The following FGF14 variants were observed in gnomAD, a reference collection of about 807,000 sequenced individuals.
FGF14 encodes fibroblast growth factor homologous factor 4.
FGF14 carries 5 observed loss-of-function variants against 25.5 expected under a neutral mutation model. The ratio of observed to expected loss-of-function variants is 0.20; its 90% CI spans 0.10 to 0.41. The LOEUF (loss-of-function observed/expected upper bound fraction) is 0.41, where lower values mean the gene tolerates loss of function less well. FGF14 is among the 10% of genes least tolerant of loss of function. The probability of loss-of-function intolerance (pLI) is 1.00; values close to 1 mark genes in which losing one functional copy is unlikely to be tolerated. For missense variants in FGF14, 222 were observed against 320.1 expected, an observed-to-expected ratio of 0.69 and a Z score of 2.34; for synonymous variants, 138 against 118.3, an observed-to-expected ratio of 1.17 and a Z score of -1.08.
chr13:101,763,860 C>CA (rs1377948967), intron 3 of FGF14, among the ~76,000 whole-genome samples: 4 of 151,616 alleles, frequency 2.6e-5, no homozygotes, highest in African/African-American at 9.7e-5. Flanking sequence ...AACTCTGTCT[C>CA]AAAAAACAAA....
intron 1 of FGF14, among the ~76,000 whole-genome samples, chr13:102,033,193 T>G (rs1014972685): frequency 6.6e-6 from 1 of 152,134 alleles, no homozygotes; most frequent in African/African-American, 2.4e-5. Context: ...TCAAGCATAT[T>G]CTGATTTCCA....
At chr13:102,288,705 C>T (rs1425420526) in intron 1 of FGF14, among the ~76,000 whole-genome samples, 1 of 152,116 alleles carries the variant, frequency 6.6e-6, no homozygotes, top group Non-Finnish European at 1.5e-5. Context: ...CTGCCTCAGC[C>T]TCCCAAGTAG....
At chr13:102,226,057 T>C (rs1032848455) in intron 1 of FGF14, among the ~76,000 whole-genome samples, 16 of 152,366 alleles carry the variant, frequency 1.1e-4, no homozygotes, top group Middle Eastern at 3.4e-3. Flanking sequence ...GGGTTAATTA[T>C]ACTTTGGTTC....
chr13:101,767,917 T>A (rs1401994578), intron 3 of FGF14, among the ~76,000 whole-genome samples: 1 of 152,174 alleles, frequency 6.6e-6, no homozygotes, highest in African/African-American at 2.4e-5. Flanking sequence ...AATGAAGTAC[T>A]TTTGAATACA....
intron 1 of FGF14, among the ~76,000 whole-genome samples, chr13:102,212,470 T>C (rs2050202275): frequency 6.6e-6 from 1 of 152,160 alleles, no homozygotes; most frequent in Non-Finnish European, 1.5e-5. Context: ...CAGTGCTCCC[T>C]GGGCAGCCCT....
intron 1 of FGF14, among the ~76,000 whole-genome samples, chr13:102,080,619 A>G (rs1021166603): frequency 2.0e-5 from 3 of 152,218 alleles, no homozygotes; most frequent in African/African-American, 7.2e-5. Flanking sequence ...TGGGAAAATC[A>G]AGCTATTTTC....
At chr13:101,820,778 C>CCA (rs869232661) in intron 3 of FGF14, among the ~76,000 whole-genome samples, 1,126 of 28,512 alleles carry the variant, frequency 0.039, 12 homozygotes, top group Middle Eastern at 0.12. Context: ...ACACCACACA[C>CCA]CACACACACA....
At chr13:102,402,048 G>T, upstream of FGF14, 1 of 106,114 alleles carries the variant, frequency 9.4e-6, no homozygotes, top group Non-Finnish European at 1.9e-5. Flanking sequence ...AGGAGAGAAG[G>T]AAAAAAAAAA....
chr13:102,134,010 A>C (rs1320897812), intron 1 of FGF14, among the ~76,000 whole-genome samples: 1 of 152,180 alleles, frequency 6.6e-6, no homozygotes, highest in Non-Finnish European at 1.5e-5. Context: ...CAAACACTTC[A>C]TTTTGTCATC....
chr13:101,735,224 ACGC>A (rs1452583378), intron 3 of FGF14, among the ~76,000 whole-genome samples: 5 of 152,202 alleles, frequency 3.3e-5, no homozygotes, highest in Admixed American at 3.3e-4. Flanking sequence ...CAATATGCAT[ACGC>A]TTATTGTTTT....
chr13:101,764,510 G>C (rs2038255192), intron 3 of FGF14, among the ~76,000 whole-genome samples: 1 of 152,198 alleles, frequency 6.6e-6, no homozygotes, highest in Non-Finnish European at 1.5e-5. Context: ...TAACCCACAA[G>C]TGTTGCAGAA....
intron 1 of FGF14, among the ~76,000 whole-genome samples, chr13:102,387,405 AC>A (rs1329566963): frequency 6.6e-6 from 1 of 152,190 alleles, no homozygotes; most frequent in Non-Finnish European, 1.5e-5. Context: ...CATAAAGGTT[AC>A]TAAAACATAT....
At chr13:101,840,236 G>T (rs1041281047) in intron 3 of FGF14, among the ~76,000 whole-genome samples, 1 of 151,826 alleles carries the variant, frequency 6.6e-6, no homozygotes, top group Non-Finnish European at 1.5e-5. Context: ...CTAGTTTTCA[G>T]TTATTCTGCC....
In FGF14 at chr13:101,721,256, A is replaced by C. The variant is rs1365361142; in HGVS notation, c.*1575T>G. 1 of 152,168 alleles carries C rather than the reference A, an allele frequency of 6.6e-6. No homozygotes were observed. The highest frequency in any genetic ancestry group is 1.5e-5 in the Non-Finnish European group (1 of 68,028). The allele number at this position is 152,168 out of a possible 1,614,324, so 9.4% of individuals were successfully genotyped here. On this transcript the variant is annotated 3_prime_UTR_variant, in exon 5 of 5. Transcript: ENST00000376143. ...TATGAAACATTTTGAACCCCTTTAGATCCAATATTGAACATTTTGCATGGA... is the reference window on the plus strand; with the variant it reads ...TATGAAACATTTTGAACCCCTTTAGCTCCAATATTGAACATTTTGCATGGA...
chr13:102,288,510 TA>T (rs2054217218), intron 1 of FGF14, among the ~76,000 whole-genome samples: 1 of 152,152 alleles, frequency 6.6e-6, no homozygotes. Context: ...ATTTGTGGAG[TA>T]AAATACATTT....
chr13:102,325,107 G>A lies in FGF14; in HGVS notation c.208+76364C>T, dbSNP rs371024585. Among the ~76,000 whole-genome samples, 251 of 151,994 alleles carry A rather than the reference G, an allele frequency of 1.7e-3. 2 individuals carry two copies. The highest frequency in any genetic ancestry group is 5.6e-3 in the African/African-American group (231 of 41,472). The stretch of plus-strand genomic sequence containing the variant: ...CAAAGAGAAAATGCTCAAAGGAAAT[G>A]GAAGAAACCTGAAAATAAAAGATGG... On this transcript the variant is annotated intron_variant, in intron 1 of 4. Transcript: ENST00000376131.
At chr13:102,119,589 A>G (rs1202831482) in intron 1 of FGF14, among the ~76,000 whole-genome samples, 1 of 152,230 alleles carries the variant, frequency 6.6e-6, no homozygotes, top group African/African-American at 2.4e-5. Flanking sequence ...TGATGTCTGC[A>G]GCTTCCCTTC....
intron 1 of FGF14, among the ~76,000 whole-genome samples, chr13:101,911,909 G>A (rs979066301): frequency 1.3e-5 from 2 of 151,520 alleles, no homozygotes; most frequent in Admixed American, 6.6e-5. Context: ...ATGTTCCCTT[G>A]TTTTAGTTTA....
At chr13:102,027,505 A>G (rs1348675873) in intron 1 of FGF14, among the ~76,000 whole-genome samples, 1 of 152,050 alleles carries the variant, frequency 6.6e-6, no homozygotes, top group Non-Finnish European at 1.5e-5. Flanking sequence ...TTTACACACC[A>G]TGTTGCAAAG....
Sources: allele counts gnomAD v4.1 joint callset (sites outside exome capture counted in the v4.1 genomes callset), GRCh38; gene constraint gnomAD v4.1.1; transcripts MANE v1.5; gene names NCBI Gene and HGNC (gene_info 2026-07-23, HGNC 2026-07-21).